SLIT2: variants seen among roughly 807,000 people sequenced by gnomAD.
The protein encoded by SLIT2 is slit guidance ligand 2, also known as slit homolog 2 protein.
Under a neutral mutation model 185.7 loss-of-function variants are expected in SLIT2, and 41 were observed. The observed-to-expected ratio is 0.22, with a 90% confidence interval of 0.17 to 0.29. SLIT2 has a LOEUF of 0.29. Among genes scored for constraint, SLIT2 ranks in the 10% least tolerant of loss-of-function variants. The probability of loss-of-function intolerance (pLI) is 1.00; values close to 1 mark genes in which losing one functional copy is unlikely to be tolerated. For missense variants in SLIT2, 1,571 were observed against 1,909.0 expected, an observed-to-expected ratio of 0.82 and a Z score of 3.30; for synonymous variants, 693 against 680.2, an observed-to-expected ratio of 1.02 and a Z score of -0.29.
chr4:20,462,112 T>C (rs923791718), intron 4 of SLIT2, among the ~76,000 whole-genome samples: 3 of 152,036 alleles, frequency 2.0e-5, no homozygotes, highest in African/African-American at 7.2e-5. Flanking sequence ...GGGAGGCCTG[T>C]ATCTTTCCAA....
chr4:20,347,373 A>T (rs958124709), intron 4 of SLIT2, among the ~76,000 whole-genome samples: 3 of 152,174 alleles, frequency 2.0e-5, no homozygotes, highest in African/African-American at 7.2e-5. Context: ...AAGAAGACTG[A>T]ATTCTTTTTT....
chr4:20,478,983 T>C (rs1716413139), intron 5 of SLIT2, among the ~76,000 whole-genome samples: 3 of 152,212 alleles, frequency 2.0e-5, no homozygotes, highest in South Asian at 4.1e-4. Flanking sequence ...AAAATACTTC[T>C]GCATTATGTC....
At chr4:20,458,160 G>A (rs980941644) in intron 4 of SLIT2, among the ~76,000 whole-genome samples, 1 of 151,364 alleles carries the variant, frequency 6.6e-6, no homozygotes, top group African/African-American at 2.4e-5. Flanking sequence ...ACACAACAGT[G>A]TGAACGTACT....
intron 36 of SLIT2, 89 bp from the exon 37 acceptor site, chr4:20,618,679 G>C: frequency 5.2e-6 from 7 of 1,347,698 alleles, no homozygotes; most frequent in South Asian, 4.7e-5. Context: ...GGAAGCAAAG[G>C]CTTCTGAATT....
At chr4:20,560,001 A>G (rs75847889) in intron 26 of SLIT2, among the ~76,000 whole-genome samples, 1,839 of 152,030 alleles carry the variant, frequency 0.012, 62 homozygotes, top group African/African-American at 0.042. Flanking sequence ...TAATTCATTC[A>G]AGGAAATCCA....
intron 4 of SLIT2, among the ~76,000 whole-genome samples, chr4:20,308,191 G>T (rs766674536): frequency 2.6e-5 from 4 of 152,140 alleles, no homozygotes; most frequent in African/African-American, 9.7e-5. Flanking sequence ...TCACCAGGTA[G>T]AGATGCTAGA....
intron 29 of SLIT2, among the ~76,000 whole-genome samples, chr4:20,572,616 CTT>C (rs1041076674): frequency 1.3e-5 from 2 of 151,892 alleles, no homozygotes; most frequent in Admixed American, 1.3e-4. Context: ...AAAATGGACA[CTT>C]TTTTTAGGCT....
At chr4:20,386,660 A>T (rs1724960083) in intron 4 of SLIT2, among the ~76,000 whole-genome samples, 1 of 152,232 alleles carries the variant, frequency 6.6e-6, no homozygotes, top group Non-Finnish European at 1.5e-5. Flanking sequence ...TGTGTCATAC[A>T]GTCCAGTCTC....
At chr4:20,570,086 A>G (rs544390759) in intron 29 of SLIT2, among the ~76,000 whole-genome samples, 1 of 152,170 alleles carries the variant, frequency 6.6e-6, no homozygotes, top group South Asian at 2.1e-4. Context: ...GGTTTTGGCA[A>G]CCCAGATCTG....
intron 29 of SLIT2, among the ~76,000 whole-genome samples, chr4:20,589,429 T>C (rs904868873): frequency 2.0e-5 from 3 of 152,344 alleles, no homozygotes; most frequent in South Asian, 4.1e-4. Context: ...ATAGTCCTGT[T>C]GTCCAAAATC....
At chr4:20,391,228 C>T (rs961219368) in intron 4 of SLIT2, among the ~76,000 whole-genome samples, 3 of 151,912 alleles carry the variant, frequency 2.0e-5, no homozygotes, top group Admixed American at 6.6e-5. Context: ...TGGGTGATAA[C>T]CTGATAGTTT....
At chr4:20,436,850 G>A (rs1729373485) in intron 4 of SLIT2, among the ~76,000 whole-genome samples, 1 of 152,128 alleles carries the variant, frequency 6.6e-6, no homozygotes, top group African/African-American at 2.4e-5. Flanking sequence ...TAATTTTGTT[G>A]CACTCTTTTG....
intron 9 of SLIT2, among the ~76,000 whole-genome samples, chr4:20,507,497 A>C (rs1418110220): frequency 1.3e-5 from 2 of 151,954 alleles, no homozygotes; most frequent in African/African-American, 4.8e-5. Context: ...GCATTTAAAA[A>C]TACTTACATT....
chr4:20,369,658 A>G (rs1220125670), intron 4 of SLIT2, among the ~76,000 whole-genome samples: 1 of 152,080 alleles, frequency 6.6e-6, no homozygotes, highest in African/African-American at 2.4e-5. Context: ...GGTCTCCTGC[A>G]CAGAAACTCA....
Position 20,349,802 on chromosome 4 carries a change from T to C in SLIT2, c.395+80921T>C, listed in dbSNP as rs141593961. ...ATAAGAGATCTGGGCTGGTGAGGCA[T>C]CTCAGCACAAAGGTTGGATTCCTTT... is the stretch of plus-strand genomic sequence containing the variant. On this transcript the variant is annotated intron_variant, in intron 4 of 36. Transcript: ENST00000504154. 3.5e-4 allele frequency among the ~76,000 whole-genome samples: 53 copies of C among 152,300 alleles called. No homozygotes were observed. The East Asian group carries it at 4.3e-3, about 12-fold the overall frequency.
In SLIT2 at chr4:20,549,140, G is replaced by T. The variant is rs1385963930; in HGVS notation, c.2489+12G>T. Reference sequence around the variant, plus strand: ...TCTCTTCGATTACTGTAAGCATCTTGTGTTCAACAGAATATCTCTTTTCTC... The same window carrying T: ...TCTCTTCGATTACTGTAAGCATCTTTTGTTCAACAGAATATCTCTTTTCTC... On this transcript the variant is annotated intron_variant, in intron 24 of 36. Transcript: ENST00000504154. The T allele has an allele frequency of 1.3e-6, 2 of 1,502,232 alleles. No individual in the cohort carries two copies. Among genetic ancestry groups the T allele is most frequent in the Non-Finnish European group, 1.9e-6 (2 of 1,080,758 alleles). The allele number at this position is 1,502,232 out of a possible 1,614,324, so 93.1% of individuals were successfully genotyped here.
chr4:20,345,376 G>C (rs778984111), intron 4 of SLIT2, among the ~76,000 whole-genome samples: 16 of 152,058 alleles, frequency 1.1e-4, no homozygotes, highest in Non-Finnish European at 2.1e-4. Context: ...GCCAAGGTTG[G>C]GAGCTTGAAT....
At chr4:20,564,484 A>G (rs1267126625) in intron 26 of SLIT2, among the ~76,000 whole-genome samples, 1 of 151,928 alleles carries the variant, frequency 6.6e-6, no homozygotes, top group African/African-American at 2.4e-5. Flanking sequence ...GGAGGCTGCT[A>G]TGTGGAATTT....
At chr4:20,488,734 C>A in intron 7 of SLIT2, 85 bp from the exon 8 acceptor site, 1 of 951,144 alleles carries the variant, frequency 1.1e-6, no homozygotes, top group Non-Finnish European at 1.6e-6. Flanking sequence ...GCTTTATCTA[C>A]TTCTATGTTA....
Sources: gnomAD v4.1 joint callset for allele counts (sites outside exome capture counted in the v4.1 genomes callset) on GRCh38, gnomAD v4.1.1 for gene constraint, MANE v1.5 for transcripts, NCBI Gene and HGNC (gene_info 2026-07-23, HGNC 2026-07-21) for gene names.